EPHA6: variants seen among roughly 807,000 people sequenced by gnomAD.
EPHA6 encodes EPH receptor A6.
A neutral mutation model predicts 112.0 loss-of-function variants in EPHA6; 50 were observed. The observed-to-expected ratio is 0.45, with a 90% confidence interval of 0.36 to 0.56. The LOEUF (loss-of-function observed/expected upper bound fraction) is 0.56, where lower values mean the gene tolerates loss of function less well. EPHA6 is among the 20% of genes least tolerant of loss of function. The probability of loss-of-function intolerance (pLI) is 0.00; values close to 1 mark genes in which losing one functional copy is unlikely to be tolerated. For missense variants in EPHA6, 1,280 were observed against 1,417.4 expected (o/e 0.90, Z 1.56); for synonymous variants, 529 against 490.7 (o/e 1.08, Z -1.03).
intron 3 of EPHA6, among the ~76,000 whole-genome samples, chr3:97,220,298 T>C (rs2078154819): frequency 2.0e-5 from 3 of 152,182 alleles, no homozygotes; most frequent in African/African-American, 7.2e-5. Context: ...TTCTGAGCCC[T>C]CCAAACTGTT....
chr3:97,371,513 C>G (rs2085052482), intron 5 of EPHA6, among the ~76,000 whole-genome samples: 1 of 152,162 alleles, frequency 6.6e-6, no homozygotes, highest in African/African-American at 2.4e-5. Flanking sequence ...TTACTTTAAT[C>G]TCTTAATCCC....
intron 5 of EPHA6, among the ~76,000 whole-genome samples, chr3:97,404,521 G>A (rs1008092338): frequency 2.0e-5 from 3 of 152,042 alleles, no homozygotes; most frequent in African/African-American, 4.8e-5. Context: ...TATGTTAGAA[G>A]CTTAACACAG....
rs74967884 is a variant in EPHA6 at position 97,479,279 on chromosome 3, T to A, written c.2004-15T>A. On this transcript the variant is annotated splice_polypyrimidine_tract_variant and intron_variant, in intron 8 of 17. Coordinates refer to ENST00000389672, the MANE Select transcript of EPHA6 (RefSeq NM_001080448.3). ...ACTTCTTAAAACAAGTTTTTTTTTT[T>A]AATCTTTTTAAAAGATGTCAGTGGT... 37 of 1,547,390 alleles carry A rather than the reference T, an allele frequency of 2.4e-5. No homozygotes were observed. Among genetic ancestry groups the A allele is most frequent in the Non-Finnish European group, 2.6e-5 (30 of 1,148,502 alleles).
chr3:96,898,039 ATTGATTTTATAATATTTGC>A (rs1456975900), intron 2 of EPHA6, among the ~76,000 whole-genome samples: 1 of 152,208 alleles, frequency 6.6e-6, no homozygotes, highest in Non-Finnish European at 1.5e-5. Context: ...AAAAGAAAAT[ATTGATTTTATAATATTTGC>A]TTCAGTTTTA....
intron 5 of EPHA6, among the ~76,000 whole-genome samples, chr3:97,398,212 T>C (rs563646586): frequency 6.6e-6 from 1 of 151,616 alleles, no homozygotes; most frequent in East Asian, 1.9e-4. Flanking sequence ...TGTAAAACAC[T>C]GGTAATATTG....
chr3:97,288,943 T>TG (rs55910064), intron 5 of EPHA6, among the ~76,000 whole-genome samples: 2 of 145,258 alleles, frequency 1.4e-5, no homozygotes, highest in African/African-American at 2.6e-5. Flanking sequence ...TTTTTTTTTT[T>TG]GCTTGTTGAT....
At chr3:96,864,394 G>A (rs1266446523) in intron 1 of EPHA6, among the ~76,000 whole-genome samples, 2 of 152,080 alleles carry the variant, frequency 1.3e-5, no homozygotes, top group African/African-American at 2.4e-5. Context: ...GAAACATGCA[G>A]TGACATAGAT....
At chr3:97,413,583 G>A (rs778677399) in intron 6 of EPHA6, among the ~76,000 whole-genome samples, 6 of 151,984 alleles carry the variant, frequency 3.9e-5, no homozygotes, top group Admixed American at 3.9e-4. Context: ...TTTGAAAAGT[G>A]AGTGCAATGG....
intron 11 of EPHA6, chr3:97,590,149 G>A (rs955388124): frequency 5.4e-4 from 82 of 152,228 alleles, no homozygotes; most frequent in African/African-American, 1.8e-3. Context: ...TTACTATCAC[G>A]TAATATCTCA....
chr3:97,184,167 A>G (rs2077061623), intron 3 of EPHA6, among the ~76,000 whole-genome samples: 1 of 152,090 alleles, frequency 6.6e-6, no homozygotes, highest in South Asian at 2.1e-4. Flanking sequence ...TTCTTATGAG[A>G]GGTTATCAAG....
intron 11 of EPHA6, among the ~76,000 whole-genome samples, chr3:97,548,796 T>C (rs1057274157): frequency 6.6e-6 from 1 of 152,232 alleles, no homozygotes; most frequent in Admixed American, 6.5e-5. Context: ...TGAGTGATTA[T>C]TGATAAAACT....
intron 5 of EPHA6, among the ~76,000 whole-genome samples, chr3:97,324,469 CT>C (rs569871617): frequency 3.5e-5 from 4 of 115,434 alleles, no homozygotes; most frequent in South Asian, 2.6e-4. Context: ...TTCTTTCTTT[CT>C]TTTTCTTTCG....
intron 14 of EPHA6, among the ~76,000 whole-genome samples, chr3:97,694,293 A>T (rs527653824): frequency 1.3e-5 from 2 of 151,538 alleles, no homozygotes; most frequent in African/African-American, 2.4e-5. Flanking sequence ...CTGGAATGCA[A>T]TGGCGTGATC....
chr3:97,252,299 C>A (rs548948546), intron 5 of EPHA6, among the ~76,000 whole-genome samples: 2 of 152,088 alleles, frequency 1.3e-5, no homozygotes, highest in Non-Finnish European at 2.9e-5. Context: ...GCCTTTGTAA[C>A]CCACAATGGG....
At chr3:97,074,952 A>G (rs1178859907) in intron 3 of EPHA6, among the ~76,000 whole-genome samples, 3 of 152,002 alleles carry the variant, frequency 2.0e-5, no homozygotes, top group Admixed American at 6.6e-5. Flanking sequence ...ATAACTTTGG[A>G]AAAGTTCTCA....
intron 12 of EPHA6, among the ~76,000 whole-genome samples, chr3:97,607,505 T>C (rs768314820): frequency 7.9e-5 from 12 of 151,258 alleles, no homozygotes; most frequent in Admixed American, 2.6e-4. Flanking sequence ...TCTTAGAGGA[T>C]CTTCATTCAA....
rs529024375 is a variant in EPHA6 at position 97,512,256 on chromosome 3, A to C, written c.2201-20102A>C. ...TTCTCAATCATGGTTTAATTTACAGAGGTATTAGTAATTATCTATGAGTAT... is the reference window on the plus strand; with the variant it reads ...TTCTCAATCATGGTTTAATTTACAGCGGTATTAGTAATTATCTATGAGTAT... On this transcript the variant is annotated intron_variant, in intron 10 of 17. Coordinates refer to ENST00000389672, the MANE Select transcript of EPHA6 (RefSeq NM_001080448.3). Among the ~76,000 whole-genome samples, 281 of 152,258 alleles carry C rather than the reference A, an allele frequency of 1.8e-3. 2 individuals carry two copies. The highest frequency in any genetic ancestry group is 6.2e-3 in the African/African-American group (258 of 41,576).
chr3:97,631,040 G>T (rs1054722447), intron 13 of EPHA6, among the ~76,000 whole-genome samples: 30 of 151,928 alleles, frequency 2.0e-4, no homozygotes, highest in African/African-American at 6.0e-4. Flanking sequence ...ATTTATGCGA[G>T]TATGTGACTC....
chr3:97,208,722 G>A (rs748012455), intron 3 of EPHA6, among the ~76,000 whole-genome samples: 9 of 151,954 alleles, frequency 5.9e-5, no homozygotes, highest in Non-Finnish European at 1.2e-4. Context: ...ACTCCAGCCT[G>A]GGTGACAGAG....
Sources: gnomAD v4.1 joint callset for allele counts (sites outside exome capture counted in the v4.1 genomes callset) on GRCh38, gnomAD v4.1.1 for gene constraint, MANE v1.5 for transcripts, NCBI Gene and HGNC (gene_info 2026-07-23, HGNC 2026-07-21) for gene names.